Variants in PLXNA4 observed in about 807,000 individuals in gnomAD.
The protein encoded by PLXNA4 is plexin-A4.
PLXNA4 carries 44 observed loss-of-function variants against 191.8 expected under a neutral mutation model. The observed-to-expected ratio is 0.23, with a 90% CI of 0.18 to 0.29. PLXNA4 has a LOEUF of 0.29. PLXNA4 is among the 10% of genes least tolerant of loss of function. The pLI is 1.00. For synonymous variants in PLXNA4, 1,082 were observed against 1,009.5 expected (o/e 1.07, Z -1.36); for missense variants, 1,800 against 2,488.8 (o/e 0.72, Z 5.89).
intron 4 of PLXNA4, among the ~76,000 whole-genome samples, chr7:132,262,329 G>A (rs937000444): frequency 3.9e-5 from 6 of 152,146 alleles, no homozygotes; most frequent in Middle Eastern, 3.2e-3. Flanking sequence ...ATTCATCTCC[G>A]TCATTAGGCT....
chr7:132,473,625 C>T (rs2117433964), intron 3 of PLXNA4, among the ~76,000 whole-genome samples: 1 of 152,234 alleles, frequency 6.6e-6, no homozygotes, highest in South Asian at 2.1e-4. Context: ...TATCACACTG[C>T]TAATGGGGAT....
At chr7:132,374,201 G>T (rs993825008) in intron 3 of PLXNA4, among the ~76,000 whole-genome samples, 1 of 152,198 alleles carries the variant, frequency 6.6e-6, no homozygotes, top group African/African-American at 2.4e-5. Context: ...CACAATATGT[G>T]ATTGATTAGG....
At position 132,128,307 on chromosome 7, in the gene PLXNA4, ATT is replaced by A; in HGVS notation, c.*2170_*2171del. On this transcript the variant is annotated 3_prime_UTR_variant, in exon 32 of 32. Coordinates refer to ENST00000321063, the MANE Select transcript of PLXNA4 (RefSeq NM_020911.2). ...ATTTTTTTTCTTCCTCTTCCAATGC[ATT>A]GTTTCCCATTTTCCTCTTCCCATTA... is the stretch of plus-strand genomic sequence containing the variant. The A allele has an allele frequency of 6.6e-6, 1 of 152,072 alleles. No homozygotes were observed. Among genetic ancestry groups the A allele is most frequent in the East Asian group, 1.9e-4 (1 of 5,194 alleles). 9.4% of individuals were successfully genotyped at this position (152,072 alleles called of 1,614,324 possible).
chr7:132,332,138 C>T (rs566493442), intron 3 of PLXNA4, among the ~76,000 whole-genome samples: 1 of 152,336 alleles, frequency 6.6e-6, no homozygotes, highest in African/African-American at 2.4e-5. Flanking sequence ...TGCCTCTTTC[C>T]TCTGCCTTCT....
chr7:132,474,042 AAAAACAAAACAAAAC>A (rs773272032), intron 3 of PLXNA4, among the ~76,000 whole-genome samples: 1 of 151,558 alleles, frequency 6.6e-6, no homozygotes, highest in Non-Finnish European at 1.5e-5. Context: ...AGAAATGACA[AAAAACAAAACAAAAC>A]AAAACAAAAC....
At chr7:132,471,222 C>T (rs550956142) in intron 3 of PLXNA4, among the ~76,000 whole-genome samples, 2 of 152,276 alleles carry the variant, frequency 1.3e-5, no homozygotes, top group African/African-American at 2.4e-5. Flanking sequence ...CTTCCTGAGG[C>T]GTGCCCAGAG....
intron 2 of PLXNA4, among the ~76,000 whole-genome samples, chr7:132,497,150 A>G (rs1798057951): frequency 6.6e-6 from 1 of 152,138 alleles, no homozygotes; most frequent in Non-Finnish European, 1.5e-5. Flanking sequence ...ACACATACAC[A>G]TATCCTGGTT....
intron 3 of PLXNA4, among the ~76,000 whole-genome samples, chr7:132,395,282 T>C (rs971857324): frequency 6.6e-6 from 1 of 152,118 alleles, no homozygotes; most frequent in African/African-American, 2.4e-5. Flanking sequence ...TGGGGGCTAG[T>C]TGGCATGGCT....
intron 31 of PLXNA4, among the ~76,000 whole-genome samples, chr7:132,132,487 G>A (rs62469697): frequency 0.26 from 19,431 of 73,848 alleles, 4,098 homozygotes; most frequent in Admixed American, 0.36. Flanking sequence ...GCTCTGCTCT[G>A]CTCTATTCTT....
At chr7:132,584,066 C>T (rs1802460509) in intron 2 of PLXNA4, among the ~76,000 whole-genome samples, 2 of 152,204 alleles carry the variant, frequency 1.3e-5, no homozygotes, top group South Asian at 4.1e-4. Context: ...TGCCAGCACA[C>T]TTCTGGCAGG....
intron 3 of PLXNA4, among the ~76,000 whole-genome samples, chr7:132,398,011 C>A (rs1325625100): frequency 6.6e-6 from 1 of 152,148 alleles, no homozygotes; most frequent in Non-Finnish European, 1.5e-5. Context: ...CCCATCAGAC[C>A]CACTGCTTAG....
At chr7:132,617,223 G>C (rs957529179) in intron 2 of PLXNA4, among the ~76,000 whole-genome samples, 1 of 152,184 alleles carries the variant, frequency 6.6e-6, no homozygotes, top group African/African-American at 2.4e-5. Flanking sequence ...GTCATGCTGA[G>C]AGGGTGCTTC....
chr7:132,582,989 T>A (rs914420182), intron 2 of PLXNA4, among the ~76,000 whole-genome samples: 6 of 152,182 alleles, frequency 3.9e-5, no homozygotes, highest in Non-Finnish European at 7.3e-5. Context: ...TACATCTCAG[T>A]GTGTTACACA....
intron 3 of PLXNA4, among the ~76,000 whole-genome samples, chr7:132,328,433 C>T (rs931922194): frequency 6.6e-6 from 1 of 152,106 alleles, no homozygotes; most frequent in Admixed American, 6.5e-5. Flanking sequence ...ACAAAAAGGG[C>T]ATTCTGTGCA....
In PLXNA4 at chr7:132,264,840, G is replaced by T. The variant is rs146694948; in HGVS notation, c.1504-23674C>A. 4.7e-3 allele frequency among the ~76,000 whole-genome samples: 723 copies of T among 152,220 alleles called. 3 individuals carry two copies. Among genetic ancestry groups the T allele is most frequent in the African/African-American group, 0.017 (697 of 41,550 alleles). On this transcript the variant is annotated intron_variant, in intron 4 of 31. Coordinates refer to ENST00000321063, the MANE Select transcript of PLXNA4 (RefSeq NM_020911.2). ...AGCCTCCCAAGTAGCTGGGATTACA[G>T]GCGCCTGCCACCTCACCCAGCTAAT...
chr7:132,363,142 G>A (rs1450553449), intron 3 of PLXNA4, among the ~76,000 whole-genome samples: 4 of 152,202 alleles, frequency 2.6e-5, no homozygotes, highest in Non-Finnish European at 4.4e-5. Flanking sequence ...GCGCCACCAT[G>A]CCTGGCTAAT....
chr7:132,339,846 G>A (rs947796508), intron 3 of PLXNA4, among the ~76,000 whole-genome samples: 8 of 152,066 alleles, frequency 5.3e-5, no homozygotes, highest in African/African-American at 1.9e-4. Flanking sequence ...GATTTTAACT[G>A]GAAGTTTCTT....
chr7:132,253,669 C>T (rs927719674), intron 4 of PLXNA4, among the ~76,000 whole-genome samples: 1 of 152,166 alleles, frequency 6.6e-6, no homozygotes, highest in African/African-American at 2.4e-5. Context: ...AGCCCTGGGC[C>T]ATGGGGGAGT....
At chr7:132,375,374 C>T (rs1804619533) in intron 3 of PLXNA4, among the ~76,000 whole-genome samples, 1 of 151,608 alleles carries the variant, frequency 6.6e-6, no homozygotes, top group African/African-American at 2.4e-5. Flanking sequence ...ACCCGGTTGT[C>T]CCCCAAGAGG....
Sources: gnomAD v4.1 joint callset for allele counts (sites outside exome capture counted in the v4.1 genomes callset) on GRCh38, gnomAD v4.1.1 for gene constraint, MANE v1.5 for transcripts, NCBI Gene and HGNC (gene_info 2026-07-23, HGNC 2026-07-21) for gene names.